Variants in AHCYL2 observed in about 807,000 individuals in gnomAD.
AHCYL2 encodes S-adenosylhomocysteine hydrolase-like protein 2.
AHCYL2 carries 28 observed loss-of-function variants against 81.4 expected under a neutral mutation model. The observed-to-expected ratio is 0.34, with a 90% confidence interval of 0.25 to 0.47. AHCYL2 has a LOEUF of 0.47. Ranked by LOEUF, AHCYL2 falls within the 20% of genes least tolerant of loss-of-function variation. AHCYL2 has a pLI of 1.00. For missense variants in AHCYL2, 551 were observed against 785.1 expected (o/e 0.70, Z 3.56); for synonymous variants, 272 against 290.2 (o/e 0.94, Z 0.64).
chr7:129,310,807 C>G (rs967398992), intron 1 of AHCYL2, among the ~76,000 whole-genome samples: 1 of 152,018 alleles, frequency 6.6e-6, no homozygotes, highest in Non-Finnish European at 1.5e-5. Flanking sequence ...TTTTTTAAAG[C>G]AGTATATAAC....
intron 1 of AHCYL2, among the ~76,000 whole-genome samples, chr7:129,282,753 C>A (rs1416873730): frequency 6.6e-6 from 1 of 151,436 alleles, no homozygotes; most frequent in Non-Finnish European, 1.5e-5. Flanking sequence ...GTGAATTTTA[C>A]CTGTTTAGGT....
At chr7:129,291,044 A>G (rs557782489) in intron 1 of AHCYL2, among the ~76,000 whole-genome samples, 6 of 152,178 alleles carry the variant, frequency 3.9e-5, no homozygotes, top group Non-Finnish European at 7.4e-5. Flanking sequence ...TTATTAAAAT[A>G]TAAAAAAAGG....
chr7:129,279,980 C>T (rs1012437364), intron 1 of AHCYL2, among the ~76,000 whole-genome samples: 2 of 152,118 alleles, frequency 1.3e-5, no homozygotes, highest in African/African-American at 2.4e-5. Flanking sequence ...TTGTGCCAAC[C>T]TCCTATCTCA....
At chr7:129,265,894 GA>G (rs1415497805) in intron 1 of AHCYL2, among the ~76,000 whole-genome samples, 1 of 152,188 alleles carries the variant, frequency 6.6e-6, no homozygotes, top group Admixed American at 6.5e-5. Flanking sequence ...GACGATGAGA[GA>G]AGTGGCCAGA....
At chr7:129,321,780 T>C (rs1469539147) in intron 1 of AHCYL2, among the ~76,000 whole-genome samples, 7 of 148,798 alleles carry the variant, frequency 4.7e-5, no homozygotes, top group South Asian at 2.1e-4. Context: ...TGGTTTTGTT[T>C]TTGTTTTTTT....
chr7:129,277,504 T>A (rs770076382), intron 1 of AHCYL2, among the ~76,000 whole-genome samples: 3 of 152,130 alleles, frequency 2.0e-5, no homozygotes, highest in African/African-American at 7.2e-5. Flanking sequence ...GGTCTCGAAC[T>A]CCTGGGCTCA....
intron 1 of AHCYL2, among the ~76,000 whole-genome samples, chr7:129,296,222 A>G (rs1431553031): frequency 6.6e-6 from 1 of 152,238 alleles, no homozygotes. Flanking sequence ...AGATGGAAGT[A>G]AAAAATCAAG....
intron 1 of AHCYL2, among the ~76,000 whole-genome samples, chr7:129,296,173 T>C (rs906660729): frequency 6.6e-6 from 1 of 152,190 alleles, no homozygotes; most frequent in Non-Finnish European, 1.5e-5. Context: ...TGATAGTTAC[T>C]TAAAATTCTT....
chr7:129,317,370 A>G (rs916852242), intron 1 of AHCYL2, among the ~76,000 whole-genome samples: 5 of 151,904 alleles, frequency 3.3e-5, no homozygotes, highest in Non-Finnish European at 5.9e-5. Flanking sequence ...AGACAGACTT[A>G]GAGGCATAAA....
At chr7:129,328,709 C>T (rs1356799759) in intron 1 of AHCYL2, among the ~76,000 whole-genome samples, 1 of 152,144 alleles carries the variant, frequency 6.6e-6, no homozygotes. Flanking sequence ...TGCTCTTGAA[C>T]TCCTGACCTC....
chr7:129,398,563 G>A (rs1247939227), intron 5 of AHCYL2, among the ~76,000 whole-genome samples: 1 of 150,920 alleles, frequency 6.6e-6, no homozygotes, highest in Non-Finnish European at 1.5e-5. Context: ...ATTTTTAGTA[G>A]AGACGGGGTT....
At chr7:129,417,782 T>C (rs929843027) in intron 12 of AHCYL2, among the ~76,000 whole-genome samples, 14 of 152,246 alleles carry the variant, frequency 9.2e-5, no homozygotes, top group African/African-American at 3.1e-4. Context: ...CAAATTTATA[T>C]TGAATACCTG....
intron 1 of AHCYL2, among the ~76,000 whole-genome samples, chr7:129,279,392 C>T (rs1364217434): frequency 6.6e-6 from 1 of 151,992 alleles, no homozygotes; most frequent in African/African-American, 2.4e-5. Flanking sequence ...CAGGTGATCC[C>T]CCCACCCCGG....
intron 1 of AHCYL2, among the ~76,000 whole-genome samples, chr7:129,280,579 C>G (rs988013653): frequency 1.3e-5 from 2 of 152,114 alleles, no homozygotes; most frequent in South Asian, 2.1e-4. Context: ...TTTTACGACT[C>G]GCTTTCTAGT....
At chr7:129,358,411 A>T (rs1793818921) in intron 1 of AHCYL2, among the ~76,000 whole-genome samples, 1 of 152,138 alleles carries the variant, frequency 6.6e-6, no homozygotes, top group Non-Finnish European at 1.5e-5. Context: ...CAAAAAAAAA[A>T]ACAAAAAGGA....
intron 1 of AHCYL2, among the ~76,000 whole-genome samples, chr7:129,307,631 A>G (rs948400460): frequency 2.6e-5 from 4 of 151,878 alleles, no homozygotes; most frequent in African/African-American, 9.7e-5. Flanking sequence ...GCTGCAAGAC[A>G]AAGTCTCCTT....
intron 12 of AHCYL2, among the ~76,000 whole-genome samples, chr7:129,415,794 T>TA (rs932866149): frequency 8.6e-5 from 13 of 150,544 alleles, no homozygotes; most frequent in South Asian, 2.1e-4. Context: ...CTATAAAAAA[T>TA]AAAAAAAAAC....
chr7:129,411,853 A>T (rs1339657090), intron 11 of AHCYL2, among the ~76,000 whole-genome samples: 1 of 151,770 alleles, frequency 6.6e-6, no homozygotes, highest in East Asian at 1.9e-4. Flanking sequence ...TTTATTGCTG[A>T]GTAATGTATC....
Position 129,430,029 on chromosome 7 carries a change from A to C in AHCYL2, c.*2984A>C, listed in dbSNP as rs984921079. 6.4e-4 allele frequency: 97 copies of C among 150,650 alleles called. No individual in the cohort carries two copies. The highest frequency in any genetic ancestry group is 1.8e-3 in the African/African-American group (76 of 41,098). 9.3% of individuals were successfully genotyped at this position (150,650 alleles called of 1,614,324 possible). ...CTAAACTCTATATATACATATATAT[A>C]TATATATCTATATATCTATATACGT... On this transcript the variant is annotated 3_prime_UTR_variant, in exon 17 of 17. Transcript: ENST00000325006.
Sources: allele counts gnomAD v4.1 joint callset (sites outside exome capture counted in the v4.1 genomes callset), GRCh38; gene constraint gnomAD v4.1.1; transcripts MANE v1.5; gene names NCBI Gene and HGNC (gene_info 2026-07-23, HGNC 2026-07-21).